SUGP1: variants seen among roughly 807,000 people sequenced by gnomAD.
The protein encoded by SUGP1 is SURP and G-patch domain-containing protein 1.
SUGP1 carries 34 observed loss-of-function variants against 76.5 expected under a neutral mutation model. The ratio of observed to expected loss-of-function variants is 0.44; its 90% CI spans 0.34 to 0.59. The LOEUF (loss-of-function observed/expected upper bound fraction) is 0.59. Ranked by LOEUF, SUGP1 falls within the 20% of genes least tolerant of loss-of-function variation. SUGP1 has a pLI of 0.01. For missense variants in SUGP1, 752 were observed against 851.7 expected (o/e 0.88, Z 1.46); for synonymous variants, 326 against 326.2 (o/e 1.00, Z 0.01).
At chr19:19,298,146 T>C (rs2061243659) in intron 7 of SUGP1, among the ~76,000 whole-genome samples, 1 of 152,212 alleles carries the variant, frequency 6.6e-6, no homozygotes, top group Non-Finnish European at 1.5e-5. Context: ...GGGATGGTCA[T>C]AGCACCAAGG....
chr19:19,290,825 T>C (rs1262404002), intron 8 of SUGP1, among the ~76,000 whole-genome samples: 2 of 152,020 alleles, frequency 1.3e-5, no homozygotes, highest in African/African-American at 4.8e-5. Context: ...TTATTTATTT[T>C]TAAAAGAAAG....
chr19:19,289,324 G>A (rs966911036), intron 8 of SUGP1, among the ~76,000 whole-genome samples: 8 of 152,028 alleles, frequency 5.3e-5, no homozygotes, highest in Non-Finnish European at 1.0e-4. Flanking sequence ...ATACAGGGCC[G>A]GGCATGGTGG....
intron 7 of SUGP1, among the ~76,000 whole-genome samples, chr19:19,297,728 A>G (rs1364735874): frequency 6.6e-6 from 1 of 152,246 alleles, no homozygotes; most frequent in East Asian, 1.9e-4. Context: ...GACACGAGAC[A>G]GGGCAGAGGG....
Position 19,310,102 on chromosome 19 carries a change from C to T in SUGP1, c.305G>A (p.Ser102Asn). The T allele has an allele frequency of 1.2e-6, 2 of 1,613,084 alleles. No individual in the cohort carries two copies. Among genetic ancestry groups the T allele is most frequent in the Middle Eastern group, 3.4e-4 (2 of 5,946 alleles). ...QFLKLQKAQT[S>N]TDAPTSAPSA... ...AAGGGGAGGCCTACACTCACCTGTG[C>T]TGGTCTGTGCCTTCTGCAACTTCAG... Residue 102 changes from serine (S) to asparagine (N), a missense_variant, in exon 3 of 14, where the codon AGC becomes AAC. By Grantham distance (46) the Ser-to-Asn change is conservative. This residue lies in a region of SUGP1 where 620 missense variants were observed against 617.3 expected (regional missense o/e 1.00). Transcript: ENST00000247001.
intron 8 of SUGP1, among the ~76,000 whole-genome samples, chr19:19,293,741 C>T (rs897916755): frequency 6.6e-6 from 1 of 152,334 alleles, no homozygotes; most frequent in East Asian, 1.9e-4. Context: ...AGGATGCACA[C>T]TTCCACCATT....
At chr19:19,286,671 C>T (rs1473906104) in intron 8 of SUGP1, among the ~76,000 whole-genome samples, 1 of 151,832 alleles carries the variant, frequency 6.6e-6, no homozygotes, top group Non-Finnish European at 1.5e-5. Context: ...TCACTTGAGA[C>T]CAGGAGTTTG....
In SUGP1 at chr19:19,306,171, G is replaced by A. The variant is rs1279136697; in HGVS notation, c.311-95C>T. ...AGGTGCTGTGGGCCCCGGGGGAGCT[G>A]GGTCCTTGACTTCCAGAACTCAGGG... On this transcript the variant is annotated intron_variant, in intron 3 of 13. Coordinates refer to ENST00000247001, the MANE Select transcript of SUGP1 (RefSeq NM_172231.4). 3 of 1,262,564 alleles carry A rather than the reference G, an allele frequency of 2.4e-6. No homozygotes were observed. In the African/African-American group the frequency reaches 4.6e-5, roughly 19 times the overall value. The allele number at this position is 1,262,564 out of a possible 1,614,324, so 78.2% of individuals were successfully genotyped here. A position where few individuals can be genotyped will look rare whatever the true frequency, so the allele number is the denominator to read the frequency against.
At chr19:19,317,136 CAAA>C (rs1317510314) in intron 1 of SUGP1, among the ~76,000 whole-genome samples, 3 of 78,116 alleles carry the variant, frequency 3.8e-5, no homozygotes, top group Non-Finnish European at 5.2e-5. Flanking sequence ...GACTCTGTCT[CAAA>C]AAAAAAAAAA....
At chr19:19,294,662 G>T (rs1251331231) in intron 8 of SUGP1, among the ~76,000 whole-genome samples, 1 of 151,904 alleles carries the variant, frequency 6.6e-6, no homozygotes, top group Non-Finnish European at 1.5e-5. Context: ...AACCACAGAA[G>T]AAAAAATAGA....
At chr19:19,302,013 A>G (rs941896311) in intron 7 of SUGP1, 12 of 518,362 alleles carry the variant, frequency 2.3e-5, no homozygotes, top group Non-Finnish European at 3.7e-5. Flanking sequence ...TTTCTCCATG[A>G]GGCACCTGAA....
Position 19,295,638 on chromosome 19 carries a change from C to T in SUGP1, c.1243+1351G>A, listed in dbSNP as rs536066956. 1.4e-3 allele frequency among the ~76,000 whole-genome samples: 206 copies of T among 147,336 alleles called. 1 individual carries two copies. The highest frequency in any genetic ancestry group is 3.6e-3 in the Middle Eastern group (1 of 274). ...AAAAAAAAAAAAAAAAAGAACCCGA[C>T]GGCAGAGGTTGCAGTGAGCTGAGAT... On this transcript the variant is annotated intron_variant, in intron 8 of 13. Coordinates refer to ENST00000247001, the MANE Select transcript of SUGP1 (RefSeq NM_172231.4).
intron 9 of SUGP1, 125 bp downstream of exon 9, chr19:19,280,060 G>T (rs980271463): frequency 8.6e-6 from 8 of 931,758 alleles, no homozygotes; most frequent in African/African-American, 6.6e-5. Flanking sequence ...GCTGGCCATG[G>T]GTTCCACCTG....
At chr19:19,291,030 T>C (rs975869536) in intron 8 of SUGP1, among the ~76,000 whole-genome samples, 5 of 151,974 alleles carry the variant, frequency 3.3e-5, no homozygotes, top group African/African-American at 4.8e-5. Flanking sequence ...GGCAGGAGAA[T>C]TGCTTGAACC....
At chr19:19,293,731 A>G (rs1421547646) in intron 8 of SUGP1, among the ~76,000 whole-genome samples, 1 of 152,234 alleles carries the variant, frequency 6.6e-6, no homozygotes, top group African/African-American at 2.4e-5. Flanking sequence ...CAACAAGACA[A>G]GGATGCACAC....
intron 8 of SUGP1, among the ~76,000 whole-genome samples, chr19:19,293,270 G>A (rs548425621): frequency 4.9e-4 from 74 of 151,494 alleles, no homozygotes; most frequent in African/African-American, 1.7e-3. Flanking sequence ...TGATAAAAAC[G>A]CTCAATAAAC....
intron 8 of SUGP1, among the ~76,000 whole-genome samples, chr19:19,283,554 A>G (rs2061116523): frequency 6.6e-6 from 1 of 152,068 alleles, no homozygotes. Context: ...TCCTGGGTTC[A>G]AGAGATTCTC....
At chr19:19,320,117 G>C (rs557364504) in intron 1 of SUGP1, among the ~76,000 whole-genome samples, 1 of 152,378 alleles carries the variant, frequency 6.6e-6, no homozygotes, top group East Asian at 1.9e-4. Flanking sequence ...CCAGAGGCCA[G>C]CTGCGACGAA....
intron 8 of SUGP1, among the ~76,000 whole-genome samples, chr19:19,296,420 G>A (rs982302772): frequency 1.2e-4 from 19 of 152,110 alleles, no homozygotes; most frequent in Non-Finnish European, 2.1e-4. Flanking sequence ...GGCCGAAGCG[G>A]GAGATCACGA....
At chr19:19,282,442 TAAAAA>T (rs537092970) in intron 8 of SUGP1, among the ~76,000 whole-genome samples, 1 of 137,430 alleles carries the variant, frequency 7.3e-6, no homozygotes. Flanking sequence ...CTATTTATGT[TAAAAA>T]AAAAAAAAAA....
Sources: gnomAD v4.1 joint callset for allele counts (sites outside exome capture counted in the v4.1 genomes callset) on GRCh38, gnomAD v4.1.1 for gene constraint, gnomAD v4.1.1 regional missense constraint, MANE v1.5 for transcripts, NCBI Gene and HGNC (gene_info 2026-07-23, HGNC 2026-07-21) for gene names.